Variants in ARID4B observed in about 807,000 individuals in gnomAD.
The protein encoded by ARID4B is AT-rich interactive domain-containing protein 4B.
ARID4B carries 26 observed loss-of-function variants against 147.5 expected under a neutral mutation model. The ratio of observed to expected loss-of-function variants is 0.18; its 90% CI spans 0.13 to 0.24. ARID4B has a LOEUF of 0.24. Ranked by LOEUF, ARID4B falls within the 10% of genes least tolerant of loss-of-function variation. ARID4B has a pLI of 1.00. For missense variants in ARID4B, 1,179 were observed against 1,511.5 expected, an observed-to-expected ratio of 0.78 and a Z score of 3.65; for synonymous variants, 512 against 507.9, an observed-to-expected ratio of 1.01 and a Z score of -0.11.
intron 7 of ARID4B, among the ~76,000 whole-genome samples, chr1:235,244,492 TTAGC>T (rs1040832001): frequency 6.6e-6 from 1 of 151,954 alleles, no homozygotes; most frequent in African/African-American, 2.4e-5. Flanking sequence ...TAAAAAAAAT[TTAGC>T]TAGAGGATGA....
Position 235,168,147 on chromosome 1 carries a change from T to C in ARID4B, c.*378A>G. Reference sequence around the variant, plus strand: ...CATAAATAAATGGAAAAATATCAAATGTTCCAGCTTTAACAAAATACAAGG... The same window carrying C: ...CATAAATAAATGGAAAAATATCAAACGTTCCAGCTTTAACAAAATACAAGG... On this transcript the variant is annotated 3_prime_UTR_variant, in exon 24 of 24. Transcript: ENST00000264183. 4.5e-6 allele frequency: 1 copy of C among 220,042 alleles called. No homozygotes were observed. Among genetic ancestry groups the C allele is most frequent in the Non-Finnish European group, 9.1e-6 (1 of 109,742 alleles). The allele number at this position is 220,042 out of a possible 1,614,324, so 13.6% of individuals were successfully genotyped here. A position where few individuals can be genotyped will look rare whatever the true frequency, so the allele number is the denominator to read the frequency against.
chr1:235,297,301 G>A (rs1054892533), intron 2 of ARID4B, among the ~76,000 whole-genome samples: 1 of 151,982 alleles, frequency 6.6e-6, no homozygotes, highest in Admixed American at 6.6e-5. Context: ...ATAAAAGAAA[G>A]AAGAAAAATT....
intron 16 of ARID4B, among the ~76,000 whole-genome samples, chr1:235,219,234 T>C (rs1266229505): frequency 6.6e-6 from 1 of 152,156 alleles, no homozygotes; most frequent in Non-Finnish European, 1.5e-5. Context: ...GTTTATGTTT[T>C]TTAAGCCTCA....
intron 12 of ARID4B, 109 bp from the exon 13 acceptor site, chr1:235,223,369 G>GTATATATATATATATACACGTA (rs201240296): frequency 6.2e-6 from 1 of 161,536 alleles, no homozygotes; most frequent in African/African-American, 3.8e-5. Flanking sequence ...ATATATACAC[G>GTATATATATATATATACACGTA]TATATATATA....
chr1:235,261,354 T>A (rs1382645962), intron 2 of ARID4B, among the ~76,000 whole-genome samples: 1 of 152,044 alleles, frequency 6.6e-6, no homozygotes, highest in Non-Finnish European at 1.5e-5. Context: ...AACTCAACTC[T>A]ACAAAATAAA....
At chr1:235,193,208 T>G (rs985076631) in intron 19 of ARID4B, among the ~76,000 whole-genome samples, 15 of 151,908 alleles carry the variant, frequency 9.9e-5, no homozygotes, top group African/African-American at 3.6e-4. Context: ...ACGAGCCTGG[T>G]CAACAGGGCA....
intron 2 of ARID4B, among the ~76,000 whole-genome samples, chr1:235,312,991 GA>G (rs1349512394): frequency 4.6e-5 from 7 of 151,952 alleles, no homozygotes; most frequent in Non-Finnish European, 1.0e-4. Context: ...GAAAAGAAAA[GA>G]AAAGAAAAGG....
At chr1:235,318,525 G>A (rs1195023203) in intron 2 of ARID4B, among the ~76,000 whole-genome samples, 1 of 152,046 alleles carries the variant, frequency 6.6e-6, no homozygotes, top group African/African-American at 2.4e-5. Context: ...GACACAAAAA[G>A]GCCACATATG....
intron 22 of ARID4B, among the ~76,000 whole-genome samples, chr1:235,174,389 T>C (rs562401594): frequency 1.3e-5 from 2 of 152,236 alleles, no homozygotes; most frequent in East Asian, 1.9e-4. Flanking sequence ...TGCCTTAAAA[T>C]TTTTCTTTAA....
chr1:235,211,905 G>A (rs573445582), intron 17 of ARID4B, among the ~76,000 whole-genome samples: 1 of 152,294 alleles, frequency 6.6e-6, no homozygotes. Context: ...GAGATCTCAA[G>A]TACCTTCTTT....
chr1:235,252,687 T>C, intron 6 of ARID4B, 43 bp downstream of exon 6: 3 of 1,562,078 alleles, frequency 1.9e-6, no homozygotes, highest in Middle Eastern at 3.5e-4. Context: ...TTCCTCCCAA[T>C]AAAAAATATT....
chr1:235,241,809 C>A lies in ARID4B; in HGVS notation c.447-1358G>T, dbSNP rs192823654. 8.4e-3 allele frequency among the ~76,000 whole-genome samples: 1,251 copies of A among 148,576 alleles called. 6 individuals are homozygous for A. Among genetic ancestry groups the A allele is most frequent in the Non-Finnish European group, 0.013 (896 of 67,002 alleles). ...GGGATTATAGGCGTGAGCCACCCCA[C>A]CTGGCCAAAAAAGTAAAAACTATTA... On this transcript the variant is annotated intron_variant, in intron 7 of 23. Coordinates refer to ENST00000264183, the MANE Select transcript of ARID4B (RefSeq NM_016374.6).
At chr1:235,240,246 A>G in intron 8 of ARID4B, 67 bp downstream of exon 8, 1 of 1,398,808 alleles carries the variant, frequency 7.1e-7, no homozygotes, top group Admixed American at 2.2e-5. Context: ...AACATTAGTA[A>G]GAAAATTGTT....
intron 2 of ARID4B, among the ~76,000 whole-genome samples, chr1:235,288,060 A>G (rs1326632200): frequency 6.6e-6 from 1 of 152,256 alleles, no homozygotes; most frequent in Non-Finnish European, 1.5e-5. Context: ...TAATCCCAGC[A>G]CTTTGGGAGG....
intron 6 of ARID4B, among the ~76,000 whole-genome samples, chr1:235,250,213 G>C (rs1007306020): frequency 2.0e-5 from 3 of 152,046 alleles, no homozygotes; most frequent in Admixed American, 1.3e-4. Context: ...TTATGAGATG[G>C]GATTAATTTC....
intron 2 of ARID4B, among the ~76,000 whole-genome samples, chr1:235,270,688 T>C (rs1219836689): frequency 6.6e-6 from 1 of 152,224 alleles, no homozygotes; most frequent in Non-Finnish European, 1.5e-5. Context: ...CTGTTCTAAG[T>C]ATCAAAAAAG....
At chr1:235,195,084 G>A (rs1665401695) in intron 18 of ARID4B, among the ~76,000 whole-genome samples, 1 of 152,028 alleles carries the variant, frequency 6.6e-6, no homozygotes, top group Non-Finnish European at 1.5e-5. Flanking sequence ...TAAGCTCTCT[G>A]AAGCATGAGT....
intron 2 of ARID4B, among the ~76,000 whole-genome samples, chr1:235,312,303 G>A (rs1230624481): frequency 6.6e-6 from 1 of 151,944 alleles, no homozygotes; most frequent in Non-Finnish European, 1.5e-5. Context: ...GAAAAGAAAA[G>A]AAAATTACGA....
At chr1:235,326,636 A>T (rs1377635139) in intron 2 of ARID4B, among the ~76,000 whole-genome samples, 4 of 152,176 alleles carry the variant, frequency 2.6e-5, no homozygotes, top group Middle Eastern at 3.2e-3. Context: ...TTACCTTTTA[A>T]AACACTTTAA....
Sources: gnomAD v4.1 joint callset for allele counts (sites outside exome capture counted in the v4.1 genomes callset) on GRCh38, gnomAD v4.1.1 for gene constraint, MANE v1.5 for transcripts, NCBI Gene and HGNC (gene_info 2026-07-23, HGNC 2026-07-21) for gene names.